RUNDC1: variants seen among roughly 807,000 people sequenced by gnomAD.
The protein encoded by RUNDC1 is RUN domain-containing protein 1.
Under a neutral mutation model 49.3 loss-of-function variants are expected in RUNDC1, and 31 were observed. The ratio of observed to expected loss-of-function variants is 0.63; its 90% CI spans 0.47 to 0.85. The LOEUF (loss-of-function observed/expected upper bound fraction) is 0.85, where lower values mean the gene tolerates loss of function less well. Among genes scored for constraint, RUNDC1 ranks in the 40% least tolerant of loss-of-function variants. The pLI, the probability that RUNDC1 is intolerant of heterozygous loss-of-function variation, is 0.00. For synonymous variants in RUNDC1, 347 were observed against 348.6 expected, an observed-to-expected ratio of 1.00 and a Z score of 0.05; for missense variants, 715 against 806.7, an observed-to-expected ratio of 0.89 and a Z score of 1.38.
At position 42,990,341 on chromosome 17, in the gene RUNDC1, C is replaced by T. The variant is rs756553386; in HGVS notation, c.881C>T (p.Thr294Ile). The change falls in exon 4 of 5, where the codon ACA (threonine) becomes ATA (isoleucine). Residue 294 changes from threonine to isoleucine, a missense_variant. By Grantham distance (89) the Thr-to-Ile change is moderately conservative. This residue lies in a region of RUNDC1 where 425 missense variants were observed against 499.7 expected (regional missense o/e 0.85). Coordinates refer to ENST00000361677, the MANE Select transcript of RUNDC1 (RefSeq NM_173079.5). Reference protein sequence around the residue: ...IQDEVGSPLQTGGGHCECKAG... With the variant: ...IQDEVGSPLQIGGGHCECKAG... ...GATGAAGTGGGAAGCCCCTTGCAGA[C>T]AGGTGGTGGACACTGTGAGTGCAAG... 26 of 1,614,040 alleles carry T rather than the reference C, an allele frequency of 1.6e-5. No homozygotes were observed. Among genetic ancestry groups the T allele is most frequent in the Non-Finnish European group, 2.2e-5 (26 of 1,179,982 alleles).
chr17:42,990,848 C>A lies in RUNDC1; in HGVS notation c.977-3C>A. 6.3e-7 allele frequency: 1 copy of A among 1,580,096 alleles called. No individual in the cohort carries two copies. On this transcript the variant is annotated splice_polypyrimidine_tract_variant and splice_region_variant and intron_variant, in intron 4 of 4. Transcript: ENST00000361677. ...CTGATGAGCCACTGTCTTTTCTAAG[C>A]AGCAAAGGCAGAGGATGTGAAGAAA...
At chr17:42,981,170 C>T (rs2050079110) in intron 1 of RUNDC1, 96 bp downstream of exon 1, 2 of 1,406,144 alleles carry the variant, frequency 1.4e-6, no homozygotes, top group African/African-American at 3.0e-5. Context: ...GGGGAGAAGC[C>T]TCCCCGACTC....
intron 1 of RUNDC1, among the ~76,000 whole-genome samples, chr17:42,982,848 A>G (rs1471005687): frequency 6.6e-6 from 1 of 150,528 alleles, no homozygotes; most frequent in Non-Finnish European, 1.5e-5. Flanking sequence ...CTAGCCAGAC[A>G]TGGTGGCACA....
At chr17:42,986,649 C>T in intron 1 of RUNDC1, among the ~76,000 whole-genome samples, 1 of 152,148 alleles carries the variant, frequency 6.6e-6, no homozygotes, top group Non-Finnish European at 1.5e-5. Context: ...AGGCGCCCGC[C>T]ACCACACCCG....
intron 1 of RUNDC1, among the ~76,000 whole-genome samples, chr17:42,986,285 T>A (rs2050170440): frequency 6.6e-6 from 1 of 152,086 alleles, no homozygotes; most frequent in Non-Finnish European, 1.5e-5. Flanking sequence ...AGCTAATTTT[T>A]AAAAATTTTT....
rs1453739205 is a variant in RUNDC1, at chr17:42,980,606, G to C, written c.30G>C (p.Pro10=). ...CGGCTGTCGAAGCGGCTGCAGAGCCGGTAACGGTGGTGGCGGCTGTTGGGC... is the reference window on the plus strand; with the variant it reads ...CGGCTGTCGAAGCGGCTGCAGAGCCCGTAACGGTGGTGGCGGCTGTTGGGC... MAAVEAAAE[P]VTVVAAVGPK... Residue 10 remains proline, a synonymous_variant, in exon 1 of 5, where the codon CCG becomes CCC. Coordinates refer to ENST00000361677, the MANE Select transcript of RUNDC1 (RefSeq NM_173079.5). The C allele has an allele frequency of 1.2e-6, 2 of 1,609,452 alleles. No individual in the cohort carries two copies. Among genetic ancestry groups the C allele is most frequent in the Non-Finnish European group, 1.7e-6 (2 of 1,179,272 alleles).
chr17:42,991,854 T>C lies in RUNDC1; in HGVS notation c.*138T>C, dbSNP rs1567733778. 3.5e-6 allele frequency: 3 copies of C among 861,978 alleles called. No homozygotes were observed. Among genetic ancestry groups the C allele is most frequent in the East Asian group, 5.0e-5 (2 of 39,964 alleles). 53.4% of individuals were successfully genotyped at this position (861,978 alleles called of 1,614,324 possible). ...CTGCTCAGGCAGTCGGCCAAATGAGTGCAAAGTCTGTTTTCCCCACCAACT... is the reference window on the plus strand; with the variant it reads ...CTGCTCAGGCAGTCGGCCAAATGAGCGCAAAGTCTGTTTTCCCCACCAACT... On this transcript the variant is annotated 3_prime_UTR_variant, in exon 5 of 5. Coordinates refer to ENST00000361677, the MANE Select transcript of RUNDC1 (RefSeq NM_173079.5).
intron 1 of RUNDC1, among the ~76,000 whole-genome samples, chr17:42,982,851 G>A (rs1404097238): frequency 1.3e-5 from 2 of 151,062 alleles, no homozygotes; most frequent in African/African-American, 4.9e-5. Flanking sequence ...GCCAGACATG[G>A]TGGCACATTC....
chr17:42,994,761 T>C lies in RUNDC1; in HGVS notation c.*3045T>C, dbSNP rs1301265077. ...CCCTGCAGTCAGATATCTGCTAAGCTCTGATATCATCTGTCATTACTGAGA... is the reference window on the plus strand; with the variant it reads ...CCCTGCAGTCAGATATCTGCTAAGCCCTGATATCATCTGTCATTACTGAGA... On this transcript the variant is annotated 3_prime_UTR_variant, in exon 5 of 5. Transcript: ENST00000361677. Among the ~76,000 whole-genome samples, 1 of 152,128 alleles carries C rather than the reference T, an allele frequency of 6.6e-6. No individual in the cohort carries two copies. The highest frequency in any genetic ancestry group is 1.5e-5 in the Non-Finnish European group (1 of 68,036).
In RUNDC1 at chr17:42,994,277, C is replaced by G. The variant is rs1406880763; in HGVS notation, c.*2561C>G. Among the ~76,000 whole-genome samples the G allele has an allele frequency of 1.3e-5, 2 of 152,240 alleles. No homozygotes were observed. The highest frequency in any genetic ancestry group is 2.9e-5 in the Non-Finnish European group (2 of 68,038). On this transcript the variant is annotated 3_prime_UTR_variant, in exon 5 of 5. Transcript: ENST00000361677. Reference sequence around the variant, plus strand: ...CCTTTTTCAAATCACAAAAACAAAACTTGTATTAAGGCTTTGTGCTAGCAT... The same window carrying G: ...CCTTTTTCAAATCACAAAAACAAAAGTTGTATTAAGGCTTTGTGCTAGCAT...
At chr17:42,986,506 C>CT (rs912654680) in intron 1 of RUNDC1, among the ~76,000 whole-genome samples, 15 of 150,660 alleles carry the variant, frequency 1.0e-4, no homozygotes, top group African/African-American at 2.2e-4. Flanking sequence ...GAGTTTTTTT[C>CT]TTTTTTTTTG....
Position 42,994,583 on chromosome 17 carries a change from A to C in RUNDC1, c.*2867A>C, listed in dbSNP as rs1210029357. Among the ~76,000 whole-genome samples the C allele has an allele frequency of 6.6e-6, 1 of 151,854 alleles. No individual in the cohort carries two copies. Among genetic ancestry groups the C allele is most frequent in the African/African-American group, 2.4e-5 (1 of 41,306 alleles). ...CCTCATTCCTCCCCTCACTTTGGGG[A>C]GGAGAAGGTATTTTCTACACAACTG... On this transcript the variant is annotated 3_prime_UTR_variant, in exon 5 of 5. Transcript: ENST00000361677.
At chr17:42,989,688 G>A (rs771564741) in intron 3 of RUNDC1, 149 bp downstream of exon 3, 4 of 741,308 alleles carry the variant, frequency 5.4e-6, no homozygotes, top group Non-Finnish European at 6.6e-6. Context: ...TGGCTGGAGT[G>A]CAGTGGCACA....
In RUNDC1 at chr17:42,992,998, A is replaced by G. The variant is rs547130518; in HGVS notation, c.*1282A>G. The G allele has an allele frequency of 1.4e-4, 22 of 152,314 alleles. No homozygotes were observed. The highest frequency in any genetic ancestry group is 4.6e-4 in the African/African-American group (19 of 41,574). The allele number at this position is 152,314 out of a possible 1,614,324, so 9.4% of individuals were successfully genotyped here. ...AGACTAACAGTCTTTTTAGAAGTAA[A>G]TATATTCAAGACAAACGAGAAAATC... On this transcript the variant is annotated 3_prime_UTR_variant, in exon 5 of 5. Transcript: ENST00000361677.
In RUNDC1 at chr17:42,980,815, T is replaced by TGCGGCGGCTGCGGGCAGAGCG. The variant is rs971497410; in HGVS notation, c.250_270dup (p.Arg84_Leu90dup). The TGCGGCGGCTGCGGGCAGAGCG allele has an allele frequency of 8.7e-6, 12 of 1,375,604 alleles. No individual in the cohort carries two copies. The highest frequency in any genetic ancestry group is 3.1e-5 in the African/African-American group (2 of 65,236). 85.2% of individuals were successfully genotyped at this position (1,375,604 alleles called of 1,614,324 possible). ...CCGCCGGATTCGCCGGGCCGGACGC[T>TGCGGCGGCTGCGGGCAGAGCG]GCGGCGGCTGCGGGCAGAGCGGCGG... is the stretch of plus-strand genomic sequence containing the variant. On this transcript the variant is annotated inframe_insertion, in exon 1 of 5. Coordinates refer to ENST00000361677, the MANE Select transcript of RUNDC1 (RefSeq NM_173079.5).
intron 1 of RUNDC1, 41 bp downstream of exon 1, chr17:42,981,115 T>C: frequency 6.6e-7 from 1 of 1,522,438 alleles, no homozygotes; most frequent in South Asian, 1.2e-5. Flanking sequence ...ATGGGAATAG[T>C]GGGGTCGTGT....
At chr17:42,985,620 ATTTCT>A (rs1361981450) in intron 1 of RUNDC1, 1 of 208,198 alleles carries the variant, frequency 4.8e-6, no homozygotes, top group Non-Finnish European at 5.9e-6. Context: ...TTTTTTTTTC[ATTTCT>A]TCTCTCTCAT....
chr17:42,994,745 C>A lies in RUNDC1; in HGVS notation c.*3029C>A, dbSNP rs974562898. Among the ~76,000 whole-genome samples, 5 of 152,160 alleles carry A rather than the reference C, an allele frequency of 3.3e-5. No individual in the cohort carries two copies. Among genetic ancestry groups the A allele is most frequent in the African/African-American group, 1.2e-4 (5 of 41,440 alleles). ...ACAATTCCATCAGCATCCCTGCAGT[C>A]AGATATCTGCTAAGCTCTGATATCA... On this transcript the variant is annotated 3_prime_UTR_variant, in exon 5 of 5. Coordinates refer to ENST00000361677, the MANE Select transcript of RUNDC1 (RefSeq NM_173079.5).
At chr17:42,986,573 C>T (rs1474025697) in intron 1 of RUNDC1, among the ~76,000 whole-genome samples, 2 of 152,072 alleles carry the variant, frequency 1.3e-5, no homozygotes, top group Non-Finnish European at 2.9e-5. Context: ...TCTCTGCTCA[C>T]TGCAAGCTCC....
Sources: gnomAD v4.1 joint callset for allele counts (sites outside exome capture counted in the v4.1 genomes callset) on GRCh38, gnomAD v4.1.1 for gene constraint, gnomAD v4.1.1 regional missense constraint, MANE v1.5 for transcripts, NCBI Gene and HGNC (gene_info 2026-07-23, HGNC 2026-07-21) for gene names.